The following PRPF40B variants were observed in gnomAD, a reference collection of about 807,000 sequenced individuals.
PRPF40B encodes the protein pre-mRNA processing factor 40B, also known as pre-mRNA-processing factor 40 homolog B.
In PRPF40B, 56 loss-of-function variants were observed where a neutral mutation model predicts 124.5. That is an observed-to-expected ratio of 0.45 (90% confidence interval 0.36 to 0.56). The LOEUF (loss-of-function observed/expected upper bound fraction) is 0.56, where lower values mean the gene tolerates loss of function less well. Among genes scored for constraint, PRPF40B ranks in the 20% least tolerant of loss-of-function variants. PRPF40B has a pLI of 0.00. For synonymous variants in PRPF40B, 443 were observed against 426.4 expected, an observed-to-expected ratio of 1.04 and a Z score of -0.48; for missense variants, 1,053 against 1,169.5, an observed-to-expected ratio of 0.90 and a Z score of 1.45.
At position 49,643,364 on chromosome 12, in the gene PRPF40B, C is replaced by A; in HGVS notation, c.2347C>A (p.Arg783=). 6.3e-7 allele frequency: 1 copy of A among 1,580,440 alleles called. No individual in the cohort carries two copies. The highest frequency in any genetic ancestry group is 1.2e-5 in the South Asian group (1 of 86,404). The change falls in exon 23 of 26, where the codon CGG becomes AGG. Residue 783 remains arginine (R), a synonymous_variant. Coordinates refer to ENST00000548825, the MANE Select transcript of PRPF40B (RefSeq NM_001031698.3). ...AAGTGGGGGTGCTGCCCTTGGAGGACGGGGCTCCCCTTCCTCCCATCTTCT... is the reference window on the plus strand; with the variant it reads ...AAGTGGGGGTGCTGCCCTTGGAGGAAGGGGCTCCCCTTCCTCCCATCTTCT... The part of the protein sequence containing the change: ...VESGGAALGG[R]GSPSSHLLGA...
At chr12:49,643,156 T>C in intron 22 of PRPF40B, 67 bp from the exon 23 acceptor site, 1 of 1,598,204 alleles carries the variant, frequency 6.3e-7, no homozygotes, top group South Asian at 1.1e-5. Context: ...CTCTCTCGAA[T>C]TCCCAGACGA....
chr12:49,641,643 T>C (rs1942667380), intron 18 of PRPF40B: 1 of 456,212 alleles, frequency 2.2e-6, no homozygotes, highest in South Asian at 3.6e-5. Context: ...AAAGTTAATT[T>C]TGAGAAACTC....
rs748510261 is a variant in PRPF40B at position 49,644,171 on chromosome 12, G to C, written c.2658G>C (p.Gln886His). ...ELERRRRTLL[Q>H]QLDDHQ The stretch of plus-strand genomic sequence containing the variant: ...AGAGGCGGCGGCGGACACTCCTACA[G>C]CAGCTGGATGATCACCAGTGACCCA... Residue 886 changes from glutamine to histidine, a missense_variant, in exon 26 of 26, where the codon CAG becomes CAC. Gln to His is a conservative substitution (Grantham distance 24). Around this residue, in one of 2 missense-constraint regions of PRPF40B, gnomAD observed 895 missense variants for 1,052.2 expected, o/e 0.85. Transcript: ENST00000548825. 59 of 1,614,006 alleles carry C rather than the reference G, an allele frequency of 3.7e-5. No homozygotes were observed. The Middle Eastern group carries it at 2.6e-3, about 72-fold the overall frequency.
intron 7 of PRPF40B, 46 bp downstream of exon 7, chr12:49,633,170 C>T (rs1941410473): frequency 6.7e-7 from 1 of 1,488,810 alleles, no homozygotes; most frequent in South Asian, 1.2e-5. Flanking sequence ...TGCCCTGACC[C>T]TTCCAAGTCC....
rs568118786 is a variant in PRPF40B at position 49,630,519 on chromosome 12, C to T, written c.4-26C>T. The T allele has an allele frequency of 2.1e-4, 242 of 1,142,466 alleles. 2 individuals carry two copies. In the South Asian group the frequency reaches 3.0e-3, roughly 14 times the overall value. 70.8% of individuals were successfully genotyped at this position (1,142,466 alleles called of 1,614,324 possible). ...GCCCATCTCTGTGCCCATCCTGGGT[C>T]CTATGACTTTTCTCTCCCTCAACAG... On this transcript the variant is annotated intron_variant, in intron 1 of 25. Transcript: ENST00000548825.
intron 1 of PRPF40B, among the ~76,000 whole-genome samples, chr12:49,625,442 A>G (rs1043639437): frequency 2.0e-5 from 3 of 152,262 alleles, no homozygotes; most frequent in African/African-American, 7.2e-5. Flanking sequence ...TTGACACAGT[A>G]TCTGGCTCAT....
At position 49,635,739 on chromosome 12, in the gene PRPF40B, C is replaced by T; in HGVS notation, c.1276-104C>T. The T allele has an allele frequency of 7.1e-7, 1 of 1,403,752 alleles. No individual in the cohort carries two copies. Among genetic ancestry groups the T allele is most frequent in the Non-Finnish European group, 9.8e-7 (1 of 1,023,720 alleles). The allele number at this position is 1,403,752 out of a possible 1,614,324, so 87.0% of individuals were successfully genotyped here. A position where few individuals can be genotyped will look rare whatever the true frequency, so the allele number is the denominator to read the frequency against. On this transcript the variant is annotated intron_variant, in intron 14 of 25. Coordinates refer to ENST00000548825, the MANE Select transcript of PRPF40B (RefSeq NM_001031698.3). This position sits in a 1 kb window ranked among gnomAD's most constrained non-coding sequence, Gnocchi z 4.1. ...ACATGAAAGTCTTGAGTATGGCCTT[C>T]TTCCTAGGGTTCCCTAGCTACCTTT...
chr12:49,625,965 G>T (rs114248246), intron 1 of PRPF40B, among the ~76,000 whole-genome samples: 288 of 152,330 alleles, frequency 1.9e-3, no homozygotes, highest in African/African-American at 6.7e-3. Context: ...TCTGTCCTCT[G>T]TGGGGAACTG....
upstream of PRPF40B, chr12:49,623,470 C>T: frequency 1.8e-6 from 2 of 1,113,644 alleles, no homozygotes; most frequent in Non-Finnish European, 2.3e-6. Flanking sequence ...GCCACCGGAG[C>T]CCCGGCCACG....
In PRPF40B at chr12:49,631,500, C is replaced by T. The variant is rs1452600987; in HGVS notation, c.184C>T (p.Pro62Ser). The T allele has an allele frequency of 5.8e-6, 9 of 1,547,186 alleles. No homozygotes were observed. In the South Asian group the frequency reaches 7.6e-5, roughly 13 times the overall value. ...AIPPMPPGILPPMLPPMGAPP... is the reference protein window; with the variant it reads ...AIPPMPPGILSPMLPPMGAPP... ...CCCCCCCATGCCACCTGGCATCCTGCCCCCAATGCTTCCACCAATGGGGGC... is the reference window on the plus strand; with the variant it reads ...CCCCCCCATGCCACCTGGCATCCTGTCCCCAATGCTTCCACCAATGGGGGC... Residue 62 changes from proline to serine, a missense_variant, in exon 3 of 26, where the codon CCC (proline) becomes TCC (serine). Coordinates refer to ENST00000548825, the MANE Select transcript of PRPF40B (RefSeq NM_001031698.3). This position sits in a 1 kb window ranked among gnomAD's most constrained non-coding sequence, Gnocchi z 4.3.
chr12:49,632,604 G>C lies in PRPF40B; in HGVS notation c.303G>C (p.Pro101=). 1 of 1,613,722 alleles carries C rather than the reference G, an allele frequency of 6.2e-7. No homozygotes were observed. Among genetic ancestry groups the C allele is most frequent in the African/African-American group, 1.3e-5 (1 of 75,024 alleles). ...TCCTCTTTCTTCGGCAGACGGCTCCGGGTGCGGACACCGCCAGCTGTGAGT... is the reference window on the plus strand; with the variant it reads ...TCCTCTTTCTTCGGCAGACGGCTCCCGGTGCGGACACCGCCAGCTGTGAGT... ...PAVPVTAATA[P]GADTASSAVA... The change falls in exon 5 of 26, where the codon CCG becomes CCC. Residue 101 remains proline, a synonymous_variant. Coordinates refer to ENST00000548825, the MANE Select transcript of PRPF40B (RefSeq NM_001031698.3).
chr12:49,635,806 G>T lies in PRPF40B; in HGVS notation c.1276-37G>T. On this transcript the variant is annotated intron_variant, in intron 14 of 25. Coordinates refer to ENST00000548825, the MANE Select transcript of PRPF40B (RefSeq NM_001031698.3). The surrounding 1 kb of genome is among the most constrained non-coding windows in gnomAD (Gnocchi z 4.1). The stretch of plus-strand genomic sequence containing the variant: ...GCCCAGGCCTACTTGGGTAGCTCTG[G>T]CCTGCCCTGCCTCACCCTGATCCTG... The T allele has an allele frequency of 6.2e-7, 1 of 1,609,582 alleles. No homozygotes were observed. Among genetic ancestry groups the T allele is most frequent in the East Asian group, 2.2e-5 (1 of 44,794 alleles).
chr12:49,644,337 C>T lies in PRPF40B; in HGVS notation c.*145C>T. On this transcript the variant is annotated 3_prime_UTR_variant, in exon 26 of 26. Coordinates refer to ENST00000548825, the MANE Select transcript of PRPF40B (RefSeq NM_001031698.3). The stretch of plus-strand genomic sequence containing the variant: ...CACCCCCAGCACACCATTGTTGGCA[C>T]CTCTCAAGGTTGCTCTTGGTGTTCA... 1.1e-6 allele frequency: 1 copy of T among 922,212 alleles called. No individual in the cohort carries two copies. Among genetic ancestry groups the T allele is most frequent in the Non-Finnish European group, 1.7e-6 (1 of 596,182 alleles). 57.1% of individuals were successfully genotyped at this position (922,212 alleles called of 1,614,324 possible).
At position 49,635,526 on chromosome 12, in the gene PRPF40B, G is replaced by C. The variant is rs960778893; in HGVS notation, c.1275+53G>C. On this transcript the variant is annotated intron_variant, in intron 14 of 25. Coordinates refer to ENST00000548825, the MANE Select transcript of PRPF40B (RefSeq NM_001031698.3). The surrounding 1 kb of genome is among the most constrained non-coding windows in gnomAD (Gnocchi z 4.1). The stretch of plus-strand genomic sequence containing the variant: ...GCCCATCTCATCCTGGACTTTCCTT[G>C]TCTTTGCTTTGTTATGGACCCTCGC... 3 of 1,531,800 alleles carry C rather than the reference G, an allele frequency of 2.0e-6. No homozygotes were observed. In the African/African-American group the frequency reaches 4.1e-5, roughly 21 times the overall value. The allele number at this position is 1,531,800 out of a possible 1,614,324, so 94.9% of individuals were successfully genotyped here. A position where few individuals can be genotyped will look rare whatever the true frequency, so the allele number is the denominator to read the frequency against.
intron 7 of PRPF40B, 27 bp downstream of exon 7, chr12:49,633,151 C>A: frequency 6.4e-7 from 1 of 1,556,360 alleles, no homozygotes; most frequent in South Asian, 1.2e-5. Flanking sequence ...TCTGGCCCTT[C>A]CTTTCAGCTG....
At chr12:49,623,545 T>TA, upstream of PRPF40B, 1 of 1,243,834 alleles carries the variant, frequency 8.0e-7, no homozygotes, top group Non-Finnish European at 1.0e-6. Context: ...GAGCGGCTCT[T>TA]ACTGGCGGGT....
chr12:49,628,701 T>C (rs1940954872), intron 1 of PRPF40B, among the ~76,000 whole-genome samples: 1 of 151,858 alleles, frequency 6.6e-6, no homozygotes, highest in Non-Finnish European at 1.5e-5. Context: ...TAGCTGGGAC[T>C]AAAGGTGCCT....
chr12:49,630,652 T>C, intron 2 of PRPF40B, 27 bp downstream of exon 2: 1 of 1,051,282 alleles, frequency 9.5e-7, no homozygotes. Context: ...TCCCTGGGCT[T>C]GGCTTTTCCA....
Position 49,642,524 on chromosome 12 carries a change from G to A in PRPF40B, c.2023-56G>A. 6.2e-7 allele frequency: 1 copy of A among 1,601,656 alleles called. No individual in the cohort carries two copies. The highest frequency in any genetic ancestry group is 8.6e-7 in the Non-Finnish European group (1 of 1,169,438). On this transcript the variant is annotated intron_variant, in intron 20 of 25. Coordinates refer to ENST00000548825, the MANE Select transcript of PRPF40B (RefSeq NM_001031698.3). The surrounding 1 kb of genome is among the most constrained non-coding windows in gnomAD (Gnocchi z 5.8). ...AGCCCTGCCCTGTGCTCATGGCGGT[G>A]TCCAGGCCAGGCTGAGTGGGGCCTA... is the stretch of plus-strand genomic sequence containing the variant.
Sources: allele counts gnomAD v4.1 joint callset (sites outside exome capture counted in the v4.1 genomes callset), GRCh38; gene constraint gnomAD v4.1.1; regional missense constraint gnomAD v4.1.1; non-coding constraint Gnocchi (gnomAD v3.1); transcripts MANE v1.5; gene names NCBI Gene and HGNC (gene_info 2026-07-23, HGNC 2026-07-21).